The following TMEM132D variants were observed in gnomAD, a reference collection of about 807,000 sequenced individuals.
The protein encoded by TMEM132D is transmembrane protein 132D, also known as mature OL transmembrane protein.
Under a neutral mutation model 62.3 loss-of-function variants are expected in TMEM132D, and 21 were observed. The ratio of observed to expected loss-of-function variants is 0.34; its 90% CI spans 0.24 to 0.49. The LOEUF (loss-of-function observed/expected upper bound fraction) is 0.49, where lower values mean the gene tolerates loss of function less well. Ranked by LOEUF, TMEM132D falls within the 20% of genes least tolerant of loss-of-function variation. TMEM132D has a pLI of 0.99. For synonymous variants in TMEM132D, 621 were observed against 575.6 expected, an observed-to-expected ratio of 1.08 and a Z score of -1.13; for missense variants, 1,346 against 1,402.8, an observed-to-expected ratio of 0.96 and a Z score of 0.65.
intron 4 of TMEM132D, among the ~76,000 whole-genome samples, chr12:129,258,672 C>A (rs572572011): frequency 9.8e-5 from 15 of 152,298 alleles, no homozygotes; most frequent in African/African-American, 3.6e-4. Context: ...TGCATGCAGT[C>A]TTTTGTTCAT....
At chr12:129,811,759 G>A (rs893251818) in intron 1 of TMEM132D, among the ~76,000 whole-genome samples, 1 of 151,760 alleles carries the variant, frequency 6.6e-6, no homozygotes, top group Non-Finnish European at 1.5e-5. Context: ...TCAGCATGCT[G>A]GATTTGAAGA....
chr12:129,078,740 C>A lies in TMEM132D; in HGVS notation c.1924-15G>T, dbSNP rs200432448. ...GGAGACAGGATCTGGAGGGCAGAAG[C>A]GACATGACAAGGAAAGGCTTTCTGT... On this transcript the variant is annotated splice_polypyrimidine_tract_variant and intron_variant, in intron 7 of 8. Transcript: ENST00000422113. The A allele has an allele frequency of 6.2e-7, 1 of 1,608,486 alleles. No individual in the cohort carries two copies. Among genetic ancestry groups the A allele is most frequent in the Non-Finnish European group, 8.5e-7 (1 of 1,175,376 alleles).
Position 129,327,323 on chromosome 12 carries a change from C to A in TMEM132D, c.1299+10311G>T, listed in dbSNP as rs144058474. 6.1e-3 allele frequency among the ~76,000 whole-genome samples: 929 copies of A among 152,282 alleles called. 11 individuals carry two copies. Among genetic ancestry groups the A allele is most frequent in the African/African-American group, 0.021 (892 of 41,558 alleles). On this transcript the variant is annotated intron_variant, in intron 4 of 8. Transcript: ENST00000422113. Reference sequence around the variant, plus strand: ...CATGGCAAGTGGAGAGTATACCAACCACCATCATCTCAGTAAACGATGTGA... The same window carrying A: ...CATGGCAAGTGGAGAGTATACCAACAACCATCATCTCAGTAAACGATGTGA...
chr12:129,641,873 T>G (rs1177648531), intron 2 of TMEM132D, among the ~76,000 whole-genome samples: 1 of 152,216 alleles, frequency 6.6e-6, no homozygotes, highest in African/African-American at 2.4e-5. Context: ...GACCTATTAT[T>G]CTATTTTCAG....
chr12:129,829,993 T>C (rs888192876), intron 1 of TMEM132D, among the ~76,000 whole-genome samples: 3 of 152,138 alleles, frequency 2.0e-5, no homozygotes, highest in African/African-American at 7.2e-5. Context: ...AAAAAGAATC[T>C]AGAGTGTGAT....
chr12:129,333,632 C>T (rs1425713764), intron 4 of TMEM132D, among the ~76,000 whole-genome samples: 1 of 152,168 alleles, frequency 6.6e-6, no homozygotes, highest in Non-Finnish European at 1.5e-5. Context: ...AGACATTTCT[C>T]CATGTGCACT....
intron 2 of TMEM132D, among the ~76,000 whole-genome samples, chr12:129,638,556 AATATATAAAC>A (rs1879551455): frequency 5.3e-4 from 24 of 44,974 alleles, no homozygotes; most frequent in Non-Finnish European, 1.1e-3. Flanking sequence ...AACATATATA[AATATATAAAC>A]ATATATAAAT....
In TMEM132D at chr12:129,827,157, G is replaced by A. The variant is rs537120101; in HGVS notation, c.79+76104C>T. Among the ~76,000 whole-genome samples the A allele has an allele frequency of 6.8e-4, 104 of 152,226 alleles. No homozygotes were observed. The highest frequency in any genetic ancestry group is 2.0e-3 in the African/African-American group (84 of 41,530). On this transcript the variant is annotated intron_variant, in intron 1 of 8. Transcript: ENST00000422113. This position sits in a 1 kb window ranked among gnomAD's most constrained non-coding sequence, Gnocchi z 9.7. ...ATAATAGCAATTAATAATTAAGCGC[G>A]TCTCTATATTTGATCTTCTGCTAAG...
chr12:129,282,305 C>G (rs1182020724), intron 4 of TMEM132D, among the ~76,000 whole-genome samples: 1 of 152,126 alleles, frequency 6.6e-6, no homozygotes, highest in Non-Finnish European at 1.5e-5. Context: ...TAGTTCCAAC[C>G]CAGGCAGAGC....
At chr12:129,165,751 T>G (rs1002819302) in intron 5 of TMEM132D, among the ~76,000 whole-genome samples, 15 of 151,910 alleles carry the variant, frequency 9.9e-5, no homozygotes, top group African/African-American at 3.6e-4. Flanking sequence ...AGTTAAAACA[T>G]GATATGAAGT....
intron 2 of TMEM132D, among the ~76,000 whole-genome samples, chr12:129,581,585 T>G (rs1198668500): frequency 1.3e-5 from 2 of 152,164 alleles, no homozygotes; most frequent in African/African-American, 4.8e-5. Context: ...GCCTGATGTT[T>G]AAGGTCAGGA....
chr12:129,839,117 A>ATTTGTTTTTTTTT (rs1873098116), intron 1 of TMEM132D, among the ~76,000 whole-genome samples: 1 of 20,704 alleles, frequency 4.8e-5, no homozygotes, highest in Non-Finnish European at 8.4e-5. Context: ...CGCCTGGCTA[A>ATTTGTTTTTTTTT]TTTTTTTTTT....
chr12:129,636,737 T>TGTGTGTGTGCGTGTGTGTGAGAGA (rs375868329), intron 2 of TMEM132D, among the ~76,000 whole-genome samples: 1 of 113,562 alleles, frequency 8.8e-6, no homozygotes, highest in African/African-American at 3.3e-5. Context: ...TGTGTGTGTG[T>TGTGTGTGTGCGTGTGTGTGAGAGA]GAGAGAGAGA....
intron 1 of TMEM132D, among the ~76,000 whole-genome samples, chr12:129,871,139 A>T (rs554078224): frequency 2.6e-5 from 4 of 152,182 alleles, no homozygotes; most frequent in Admixed American, 1.3e-4. Context: ...TGCAATTTCA[A>T]TGTGGGCCTT....
chr12:129,214,167 A>G (rs144059206), intron 4 of TMEM132D, among the ~76,000 whole-genome samples: 5 of 152,224 alleles, frequency 3.3e-5, no homozygotes, highest in African/African-American at 1.2e-4. Flanking sequence ...GTGCTAGGGT[A>G]CAAGGGAAAT....
At chr12:129,285,195 C>T (rs1881258221) in intron 4 of TMEM132D, among the ~76,000 whole-genome samples, 1 of 152,036 alleles carries the variant, frequency 6.6e-6, no homozygotes, top group Non-Finnish European at 1.5e-5. Flanking sequence ...TTGAGACCAT[C>T]ATGCAGAAGC....
At chr12:129,617,117 A>G (rs1439571230) in intron 2 of TMEM132D, among the ~76,000 whole-genome samples, 1 of 152,200 alleles carries the variant, frequency 6.6e-6, no homozygotes, top group Non-Finnish European at 1.5e-5. Context: ...TGTCCTTGAG[A>G]TGCACTCACA....
At chr12:129,291,196 A>G (rs1387893375) in intron 4 of TMEM132D, among the ~76,000 whole-genome samples, 2 of 152,134 alleles carry the variant, frequency 1.3e-5, no homozygotes, top group Non-Finnish European at 2.9e-5. Flanking sequence ...GATTTATTCT[A>G]TTTTGTTTTA....
intron 5 of TMEM132D, among the ~76,000 whole-genome samples, chr12:129,107,329 C>A (rs1875533536): frequency 6.6e-6 from 1 of 152,144 alleles, no homozygotes; most frequent in South Asian, 2.1e-4. Context: ...CACGTACATA[C>A]AAGGTAATTT....
Sources: gnomAD v4.1 joint callset for allele counts (sites outside exome capture counted in the v4.1 genomes callset) on GRCh38, gnomAD v4.1.1 for gene constraint, Gnocchi (gnomAD v3.1) non-coding constraint, MANE v1.5 for transcripts, NCBI Gene and HGNC (gene_info 2026-07-23, HGNC 2026-07-21) for gene names.